PRKN: variants seen among roughly 807,000 people sequenced by gnomAD.
PRKN encodes parkin RBR E3 ubiquitin protein ligase, also known as E3 ubiquitin-protein ligase parkin.
Under a neutral mutation model 59.5 loss-of-function variants are expected in PRKN, and 56 were observed. The ratio of observed to expected loss-of-function variants is 0.94; its 90% CI spans 0.76 to 1.18. PRKN has a LOEUF of 1.18. PRKN is among the 50% of genes most tolerant of loss of function. PRKN has a pLI of 0.00. For missense variants in PRKN, 657 were observed against 596.4 expected (o/e 1.10, Z -1.06); for synonymous variants, 250 against 222.1 (o/e 1.13, Z -1.12).
chr6:161,765,728 G>A (rs1334824912), intron 7 of PRKN, among the ~76,000 whole-genome samples: 2 of 152,020 alleles, frequency 1.3e-5, no homozygotes, highest in Non-Finnish European at 2.9e-5. Context: ...TGATGATGGT[G>A]GCATTTCATC....
intron 1 of PRKN, among the ~76,000 whole-genome samples, chr6:162,599,158 C>T (rs913977512): frequency 5.3e-5 from 8 of 152,074 alleles, no homozygotes; most frequent in African/African-American, 1.7e-4. Flanking sequence ...AAAGCTGGCT[C>T]GGTGATAAGA....
At chr6:161,541,974 C>CGT (rs1779631430) in intron 9 of PRKN, among the ~76,000 whole-genome samples, 1 of 152,098 alleles carries the variant, frequency 6.6e-6, no homozygotes, top group South Asian at 2.1e-4. Flanking sequence ...TGTATTAGAA[C>CGT]GTAAGTCCAC....
intron 5 of PRKN, among the ~76,000 whole-genome samples, chr6:162,016,376 C>T (rs1782935892): frequency 6.6e-6 from 1 of 152,132 alleles, no homozygotes; most frequent in Admixed American, 6.5e-5. Flanking sequence ...CTGCAGACTG[C>T]CCCTTGGACA....
At position 162,009,450 on chromosome 6, in the gene PRKN, C is replaced by T. The variant is rs1034245467; in HGVS notation, c.619-36033G>A. 5.9e-5 allele frequency among the ~76,000 whole-genome samples: 9 copies of T among 151,756 alleles called. 1 individual carries two copies. Among genetic ancestry groups the T allele is most frequent in the African/African-American group, 2.2e-4 (9 of 41,148 alleles). ...AATTTCAGCAAAATGAAAAAACAAA[C>T]CCACAAACCACAACCGTCAGAATCA... On this transcript the variant is annotated intron_variant, in intron 5 of 11. Coordinates refer to ENST00000366898, the MANE Select transcript of PRKN (RefSeq NM_004562.3).
intron 3 of PRKN, among the ~76,000 whole-genome samples, chr6:162,203,478 C>A (rs1280392653): frequency 2.0e-5 from 3 of 152,120 alleles, no homozygotes; most frequent in Non-Finnish European, 1.5e-5. Flanking sequence ...CTTGAGAGCC[C>A]CTCCAGAACG....
chr6:161,488,065 A>C lies in PRKN; in HGVS notation c.1083+60789T>G, dbSNP rs1176233678. On this transcript the variant is annotated intron_variant, in intron 9 of 11. Coordinates refer to ENST00000366898, the MANE Select transcript of PRKN (RefSeq NM_004562.3). This position sits in a 1 kb window ranked among gnomAD's most constrained non-coding sequence, Gnocchi z 4.5. Reference sequence around the variant, plus strand: ...TCCAGTTAGTGGTAAGTGATGAAGAAAGCAGGGCTGGCTTACAGGGTGAGA... The same window carrying C: ...TCCAGTTAGTGGTAAGTGATGAAGACAGCAGGGCTGGCTTACAGGGTGAGA... Among the ~76,000 whole-genome samples the C allele has an allele frequency of 6.6e-6, 1 of 152,246 alleles. No homozygotes were observed. The highest frequency in any genetic ancestry group is 1.5e-5 in the Non-Finnish European group (1 of 68,042).
chr6:162,389,019 A>AAAAC (rs1554312392), intron 2 of PRKN, among the ~76,000 whole-genome samples: 1 of 149,828 alleles, frequency 6.7e-6, no homozygotes, highest in African/African-American at 2.5e-5. Flanking sequence ...AAAAAAAAAA[A>AAAAC]AAAAACAAAA....
At chr6:161,523,662 G>A (rs1246266471) in intron 9 of PRKN, among the ~76,000 whole-genome samples, 3 of 152,280 alleles carry the variant, frequency 2.0e-5, no homozygotes. Context: ...AACATTTACT[G>A]TATGATGAAA....
At chr6:161,882,346 G>A (rs925278246) in intron 6 of PRKN, among the ~76,000 whole-genome samples, 15 of 152,238 alleles carry the variant, frequency 9.9e-5, no homozygotes, top group African/African-American at 3.4e-4. Flanking sequence ...GGGGCGGGGC[G>A]GGGGCGTGCG....
chr6:161,989,724 C>G (rs1192106338), intron 5 of PRKN, among the ~76,000 whole-genome samples: 1 of 152,140 alleles, frequency 6.6e-6, no homozygotes, highest in Non-Finnish European at 1.5e-5. Context: ...ATCTGCCCCA[C>G]ATGCTGCTAT....
intron 2 of PRKN, among the ~76,000 whole-genome samples, chr6:162,308,728 A>T (rs1468774605): frequency 6.6e-6 from 1 of 152,128 alleles, no homozygotes; most frequent in East Asian, 1.9e-4. Context: ...GAAAACACTG[A>T]CTGTAAACAG....
At chr6:162,312,225 T>C (rs1172408179) in intron 2 of PRKN, among the ~76,000 whole-genome samples, 3 of 152,114 alleles carry the variant, frequency 2.0e-5, no homozygotes, top group African/African-American at 7.2e-5. Context: ...TCTGCCACTG[T>C]TTCATTTTAT....
Position 161,692,947 on chromosome 6 carries a change from CA to C in PRKN, c.871+92824del, listed in dbSNP as rs59954623. Among the ~76,000 whole-genome samples the C allele has an allele frequency of 2.9e-3, 354 of 120,908 alleles. 2 individuals are homozygous for C. Among genetic ancestry groups the C allele is most frequent in the African/African-American group, 5.4e-3 (161 of 29,918 alleles). The allele number at this position is 120,908 out of a possible 152,430, so 79.3% of individuals were successfully genotyped here. A position where few individuals can be genotyped will look rare whatever the true frequency, so the allele number is the denominator to read the frequency against. ...TGGGCAACAGAGTGAGACTCTGTCT[CA>C]AAAAAAAAAAAAAAAAAGAAAAAAG... On this transcript the variant is annotated intron_variant, in intron 7 of 11. Transcript: ENST00000366898.
At chr6:162,355,435 A>C (rs575238574) in intron 2 of PRKN, among the ~76,000 whole-genome samples, 67 of 151,656 alleles carry the variant, frequency 4.4e-4, no homozygotes, top group Non-Finnish European at 7.9e-4. Flanking sequence ...TTAGTTTTTC[A>C]TTTTGTGTAG....
chr6:161,367,781 G>T (rs1249536952), intron 10 of PRKN, among the ~76,000 whole-genome samples: 1 of 152,208 alleles, frequency 6.6e-6, no homozygotes, highest in Non-Finnish European at 1.5e-5. Flanking sequence ...CTTTGAAGAA[G>T]TAAGGACGCT....
chr6:161,517,394 G>T (rs942861721), intron 9 of PRKN, among the ~76,000 whole-genome samples: 1 of 151,998 alleles, frequency 6.6e-6, no homozygotes, highest in African/African-American at 2.4e-5. Context: ...TTGGTTTCAT[G>T]GGGTTCTGCT....
At chr6:161,519,401 T>G (rs927087393) in intron 9 of PRKN, among the ~76,000 whole-genome samples, 1 of 142,916 alleles carries the variant, frequency 7.0e-6, no homozygotes, top group Non-Finnish European at 1.5e-5. Context: ...GGCACTAAGC[T>G]TATCCTCCAG....
intron 7 of PRKN, among the ~76,000 whole-genome samples, chr6:161,722,244 CA>C (rs145760369): frequency 0.14 from 21,325 of 152,106 alleles, 1,885 homozygotes; most frequent in South Asian, 0.2. Flanking sequence ...ATAATGCCCC[CA>C]GCATACAAAT....
At position 161,467,748 on chromosome 6, in the gene PRKN, A is replaced by G. The variant is rs1188817244; in HGVS notation, c.1084-80871T>C. ...GAACACCAACTATGTGCCCAGCAAA[A>G]TTCTACTTTTCCAGCCTTGCTTGCA... On this transcript the variant is annotated intron_variant, in intron 9 of 11. Coordinates refer to ENST00000366898, the MANE Select transcript of PRKN (RefSeq NM_004562.3). The surrounding 1 kb of genome is among the most constrained non-coding windows in gnomAD (Gnocchi z 4.3). Among the ~76,000 whole-genome samples the G allele has an allele frequency of 6.6e-6, 1 of 152,122 alleles. No individual in the cohort carries two copies. The highest frequency in any genetic ancestry group is 1.5e-5 in the Non-Finnish European group (1 of 68,010).
Sources: gnomAD v4.1 joint callset for allele counts (sites outside exome capture counted in the v4.1 genomes callset) on GRCh38, gnomAD v4.1.1 for gene constraint, Gnocchi (gnomAD v3.1) non-coding constraint, MANE v1.5 for transcripts, NCBI Gene and HGNC (gene_info 2026-07-23, HGNC 2026-07-21) for gene names.